Variants in STK24 observed in about 807,000 individuals in gnomAD.
STK24 encodes the protein serine/threonine-protein kinase 24.
STK24 carries 21 observed loss-of-function variants against 55.6 expected under a neutral mutation model. The ratio of observed to expected loss-of-function variants is 0.38; its 90% CI spans 0.27 to 0.54. STK24 has a LOEUF of 0.54. Among genes scored for constraint, STK24 ranks in the 20% least tolerant of loss-of-function variants. The probability of loss-of-function intolerance (pLI) is 0.79; values close to 1 mark genes in which losing one functional copy is unlikely to be tolerated. For synonymous variants in STK24, 200 were observed against 215.2 expected, an observed-to-expected ratio of 0.93 and a Z score of 0.62; for missense variants, 383 against 538.4, an observed-to-expected ratio of 0.71 and a Z score of 2.86.
rs1482863202 is a variant in STK24 at position 98,486,354 on chromosome 13, G to C, written c.274-4033C>G. Among the ~76,000 whole-genome samples the C allele has an allele frequency of 5.9e-5, 9 of 152,314 alleles. No homozygotes were observed. The South Asian group carries it at 1.9e-3, about 32-fold the overall frequency. ...CAGACAGTCAACATGGGCGCCAGAA[G>C]AGGGCCCTGAAATGTGCCTCCAATG... On this transcript the variant is annotated intron_variant, in intron 2 of 10. Transcript: ENST00000539966.
intron 9 of STK24, 152 bp downstream of exon 9, chr13:98,460,220 C>CGCTGAT: frequency 2.3e-6 from 1 of 435,118 alleles, no homozygotes; most frequent in Non-Finnish European, 4.2e-6. Flanking sequence ...GTGGTGCTGA[C>CGCTGAT]AGCCTTTGGG....
intron 1 of STK24, among the ~76,000 whole-genome samples, chr13:98,558,260 C>T (rs905849778): frequency 2.0e-5 from 3 of 152,196 alleles, no homozygotes; most frequent in Non-Finnish European, 4.4e-5. Flanking sequence ...CAGATCAACA[C>T]ACATCTTTCT....
chr13:98,513,564 G>A (rs185365172), intron 2 of STK24, among the ~76,000 whole-genome samples: 1 of 152,324 alleles, frequency 6.6e-6, no homozygotes, highest in East Asian at 1.9e-4. Context: ...GCCAGATCTA[G>A]GTGGCTCGGT....
chr13:98,521,364 C>CTG (rs1236113418), intron 1 of STK24, among the ~76,000 whole-genome samples: 2 of 152,184 alleles, frequency 1.3e-5, no homozygotes, highest in African/African-American at 2.4e-5. Context: ...GGAAGCCTGG[C>CTG]TGTGTGTTTA....
chr13:98,530,455 G>A (rs1180816972), intron 1 of STK24, among the ~76,000 whole-genome samples: 2 of 152,104 alleles, frequency 1.3e-5, no homozygotes, highest in Non-Finnish European at 2.9e-5. Context: ...CATAAGCAAA[G>A]CTACTGTCAT....
In STK24 at chr13:98,446,128, T is replaced by C. The variant is rs770786508; in HGVS notation, c.*7045A>G. On this transcript the variant is annotated 3_prime_UTR_variant, in exon 11 of 11. Coordinates refer to ENST00000539966, the MANE Select transcript of STK24 (RefSeq NM_001032296.4). Reference sequence around the variant, plus strand: ...GTTGTCTGGAAACCTGCTGAGGAAATTCAAAAACAGCAACGGGTGGCAGAA... The same window carrying C: ...GTTGTCTGGAAACCTGCTGAGGAAACTCAAAAACAGCAACGGGTGGCAGAA... The C allele has an allele frequency of 6.2e-7, 1 of 1,614,014 alleles. No homozygotes were observed. Among genetic ancestry groups the C allele is most frequent in the South Asian group, 1.1e-5 (1 of 91,072 alleles).
intron 1 of STK24, among the ~76,000 whole-genome samples, chr13:98,532,655 C>A (rs1295009140): frequency 4.6e-5 from 7 of 152,196 alleles, no homozygotes; most frequent in Non-Finnish European, 1.0e-4. Context: ...TAGCAAATGG[C>A]TCCAAGAAGC....
intron 1 of STK24, among the ~76,000 whole-genome samples, chr13:98,553,069 G>A (rs144068199): frequency 1.3e-3 from 203 of 152,194 alleles, no homozygotes; most frequent in South Asian, 2.1e-3. Flanking sequence ...GGAGCCAAGG[G>A]GATGGGAAAT....
intron 1 of STK24, among the ~76,000 whole-genome samples, chr13:98,524,441 C>T (rs563124205): frequency 1.1e-4 from 17 of 152,246 alleles, no homozygotes; most frequent in South Asian, 6.2e-4. Context: ...GAAGAGAGCA[C>T]GGCACCGGAT....
At chr13:98,502,762 A>G (rs1895525136) in intron 2 of STK24, among the ~76,000 whole-genome samples, 9 of 152,090 alleles carry the variant, frequency 5.9e-5, no homozygotes, top group Admixed American at 5.9e-4. Context: ...TGAAAAATAC[A>G]TTTCCTTATA....
At position 98,474,936 on chromosome 13, in the gene STK24, G is replaced by A. The variant is rs1452699686; in HGVS notation, c.482C>T (p.Ala161Val). 1.9e-5 allele frequency: 31 copies of A among 1,613,806 alleles called. No individual in the cohort carries two copies. Among genetic ancestry groups the A allele is most frequent in the African/African-American group, 4.0e-5 (3 of 74,922 alleles). ...LLSEHGEVKL[A>V]DFGVAGQLTD... ...CAGCTGGCCAGCCACGCCAAAGTCC[G>A]CCAGCTTCACCTCGCCATGCTCAGA... is the stretch of plus-strand genomic sequence containing the variant. Residue 161 changes from alanine (A) to valine (V), a missense_variant, in exon 5 of 11, where the codon GCG becomes GTG. By Grantham distance (64) the Ala-to-Val change is moderately conservative. Coordinates refer to ENST00000539966, the MANE Select transcript of STK24 (RefSeq NM_001032296.4).
intron 1 of STK24, among the ~76,000 whole-genome samples, chr13:98,562,669 A>G (rs1897455622): frequency 6.6e-6 from 1 of 152,194 alleles, no homozygotes; most frequent in Admixed American, 6.5e-5. Flanking sequence ...TAGTCCCAGC[A>G]CTTTGGGAGG....
At chr13:98,558,463 G>A (rs185237167) in intron 1 of STK24, among the ~76,000 whole-genome samples, 17 of 152,230 alleles carry the variant, frequency 1.1e-4, no homozygotes, top group Non-Finnish European at 2.1e-4. Flanking sequence ...ATGGAGAAGG[G>A]GGTACTGCAG....
intron 1 of STK24, among the ~76,000 whole-genome samples, chr13:98,565,501 G>A (rs1252742645): frequency 2.0e-5 from 3 of 151,974 alleles, no homozygotes; most frequent in Admixed American, 6.6e-5. Context: ...GTGTGGTCGC[G>A]GGTGCCTGTA....
chr13:98,451,006 G>C lies in STK24; in HGVS notation c.*2167C>G, dbSNP rs193005274. The C allele has an allele frequency of 6.6e-6, 1 of 152,152 alleles. No individual in the cohort carries two copies. The highest frequency in any genetic ancestry group is 1.5e-5 in the Non-Finnish European group (1 of 68,044). 9.4% of individuals were successfully genotyped at this position (152,152 alleles called of 1,614,324 possible). A position where few individuals can be genotyped will look rare whatever the true frequency, so the allele number is the denominator to read the frequency against. On this transcript the variant is annotated 3_prime_UTR_variant, in exon 11 of 11. Coordinates refer to ENST00000539966, the MANE Select transcript of STK24 (RefSeq NM_001032296.4). The stretch of plus-strand genomic sequence containing the variant: ...CCACTTGTTGCTCTACGGGGGAAGG[G>C]GCTGAGTATGATTTGTCTGGCGACT...
intron 1 of STK24, among the ~76,000 whole-genome samples, chr13:98,562,917 TAAAAA>T (rs575288091): frequency 9.2e-6 from 1 of 109,146 alleles, no homozygotes; most frequent in Admixed American, 9.5e-5. Context: ...CTCCCTCTCT[TAAAAA>T]AAAAAAAAAA....
intron 6 of STK24, among the ~76,000 whole-genome samples, chr13:98,464,287 T>C (rs1424937218): frequency 2.6e-5 from 4 of 151,332 alleles, no homozygotes; most frequent in South Asian, 4.2e-4. Flanking sequence ...GGCGTGGTGG[T>C]GGGCGCCTGT....
chr13:98,457,740 G>A (rs897012470), intron 9 of STK24, among the ~76,000 whole-genome samples: 2 of 152,182 alleles, frequency 1.3e-5, no homozygotes, highest in African/African-American at 4.8e-5. Flanking sequence ...AAAGTGTTGG[G>A]ATTACAGGCG....
chr13:98,506,648 G>A (rs137905021), intron 2 of STK24, among the ~76,000 whole-genome samples: 168 of 152,264 alleles, frequency 1.1e-3, no homozygotes, highest in African/African-American at 3.7e-3. Flanking sequence ...CTAAGCTTCC[G>A]GATCTATGTC....
Sources: gnomAD v4.1 joint callset for allele counts (sites outside exome capture counted in the v4.1 genomes callset) on GRCh38, gnomAD v4.1.1 for gene constraint, MANE v1.5 for transcripts, NCBI Gene and HGNC (gene_info 2026-07-23, HGNC 2026-07-21) for gene names.